Variants in NOTCH1 observed in about 807,000 individuals in gnomAD.
NOTCH1 encodes the protein notch receptor 1.
A neutral mutation model predicts 254.8 loss-of-function variants in NOTCH1; 37 were observed. The observed-to-expected ratio is 0.15, with a 90% confidence interval of 0.11 to 0.19. The LOEUF (loss-of-function observed/expected upper bound fraction) is 0.19, where lower values mean the gene tolerates loss of function less well. Among genes scored for constraint, NOTCH1 ranks in the 10% least tolerant of loss-of-function variants. The probability of loss-of-function intolerance (pLI) is 1.00; values close to 1 mark genes in which losing one functional copy is unlikely to be tolerated. For missense variants in NOTCH1, 2,972 were observed against 3,708.6 expected (o/e 0.80, Z 5.16); for synonymous variants, 1,731 against 1,618.1 (o/e 1.07, Z -1.68).
Position 136,513,604 on chromosome 9 carries a change from C to G in NOTCH1, c.2208-67G>C. 1 of 1,583,736 alleles carries G rather than the reference C, an allele frequency of 6.3e-7. No individual in the cohort carries two copies. ...AGCACGGCCGGGGCCTGGGCACTCC[C>G]GGGTCTGCAATGCCCTATGGGCTGG... is the stretch of plus-strand genomic sequence containing the variant. On this transcript the variant is annotated intron_variant, in intron 13 of 33. Transcript: ENST00000651671. This position sits in a 1 kb window ranked among gnomAD's most constrained non-coding sequence, Gnocchi z 4.7.
rs1064796983 is a variant in NOTCH1 at position 136,502,021 on chromosome 9, G to C, written c.5452C>G (p.Leu1818Val). Residue 1818 changes from leucine to valine, a missense_variant, in exon 29 of 34, where the codon CTG (leucine) becomes GTG (valine). Physicochemically the swap from Leu to Val is conservative, Grantham distance 32. Coordinates refer to ENST00000651671, the MANE Select transcript of NOTCH1 (RefSeq NM_017617.5). ...DNQNEWGDEDLETKKFRFEEP... is the reference protein window; with the variant it reads ...DNQNEWGDEDVETKKFRFEEP... ...CTCACCCGGAACTTCTTGGTCTCCAGGTCCTCGTCCCCCCACTCATTCTGG... is the reference window on the plus strand; with the variant it reads ...CTCACCCGGAACTTCTTGGTCTCCACGTCCTCGTCCCCCCACTCATTCTGG... The C allele has an allele frequency of 2.5e-6, 4 of 1,613,116 alleles. No homozygotes were observed. Among genetic ancestry groups the C allele is most frequent in the Non-Finnish European group, 3.4e-6 (4 of 1,179,966 alleles).
At position 136,502,437 on chromosome 9, in the gene NOTCH1, G is replaced by T; in HGVS notation, c.5219C>A (p.Ala1740Glu). The T allele has an allele frequency of 6.2e-7, 1 of 1,607,490 alleles. No homozygotes were observed. Among genetic ancestry groups the T allele is most frequent in the African/African-American group, 1.3e-5 (1 of 74,958 alleles). The change falls in exon 28 of 34, where the codon GCG becomes GAG. Residue 1740 changes from alanine (A) to glutamate (E), a missense_variant. Around this residue, in one of 8 missense-constraint regions of NOTCH1, gnomAD observed 421 missense variants for 604.4 expected, o/e 0.70. Transcript: ENST00000651671. ...GAACAGAAGCACAAAGGCGGCCGCC[G>T]CCACGTACATGAAGTGCAGCTGCGC... ...PPAQLHFMYV[A>E]AAAFVLLFFV... is the part of the protein sequence containing the mutation.
Position 136,497,524 on chromosome 9 carries a change from C to T in NOTCH1, c.6215G>A (p.Gly2072Asp). The T allele has an allele frequency of 6.2e-7, 1 of 1,608,726 alleles. No individual in the cohort carries two copies. The highest frequency in any genetic ancestry group is 8.5e-7 in the Non-Finnish European group (1 of 1,178,046). Residue 2072 changes from glycine (G) to aspartate (D), a missense_variant, in exon 34 of 34, where the codon GGC becomes GAC. Physicochemically the swap from Gly to Asp is moderately conservative, Grantham distance 94 (BLOSUM62 -1). This residue lies in a region of NOTCH1 where 421 missense variants were observed against 604.4 expected (regional missense o/e 0.70). Coordinates refer to ENST00000651671, the MANE Select transcript of NOTCH1 (RefSeq NM_017617.5). ...ETPLFLAARE[G>D]SYETAKVLLD... is the part of the protein sequence containing the mutation. Reference sequence around the variant, plus strand: ...CAGCACCTTGGCGGTCTCGTAGCTGCCCTCCCGGGCGGCCAGAAACAGGGG... The same window carrying T: ...CAGCACCTTGGCGGTCTCGTAGCTGTCCTCCCGGGCGGCCAGAAACAGGGG...
At chr9:136,503,074 G>T in intron 27 of NOTCH1, 108 bp downstream of exon 27, 2 of 1,506,996 alleles carry the variant, frequency 1.3e-6, no homozygotes, top group Non-Finnish European at 1.8e-6. Flanking sequence ...GGACGGCAAC[G>T]CTCACACCCG....
intron 17 of NOTCH1, 138 bp downstream of exon 17, chr9:136,510,515 C>G (rs1843162081): frequency 2.5e-6 from 3 of 1,193,768 alleles, no homozygotes; most frequent in Admixed American, 2.0e-5. Context: ...GCACATCCCC[C>G]ACACCTGACC....
intron 2 of NOTCH1, among the ~76,000 whole-genome samples, chr9:136,525,088 TCA>T (rs776662478): frequency 6.6e-4 from 100 of 152,208 alleles, no homozygotes; most frequent in Middle Eastern, 3.4e-3. Context: ...TCTTCATAAC[TCA>T]CATCCAGGCA....
chr9:136,505,309 C>T lies in NOTCH1; in HGVS notation c.4586+1G>A, dbSNP rs780888567. ...CAGCCCCATGAGCCCCGCAGCCTTACTTGCACTGGCCTTCCGCACGCTGGC... is the reference window on the plus strand; with the variant it reads ...CAGCCCCATGAGCCCCGCAGCCTTATTTGCACTGGCCTTCCGCACGCTGGC... On this transcript the variant is annotated splice_donor_variant, in intron 25 of 33. Transcript: ENST00000651671. LOFTEE classifies it high-confidence loss of function. The T allele has an allele frequency of 6.4e-7, 1 of 1,569,344 alleles. No individual in the cohort carries two copies. The highest frequency in any genetic ancestry group is 1.2e-5 in the South Asian group (1 of 86,468).
Position 136,513,599 on chromosome 9 carries a change from A to G in NOTCH1, c.2208-62T>C, listed in dbSNP as rs1287994194. 1.7e-5 allele frequency: 27 copies of G among 1,594,728 alleles called. No homozygotes were observed. Among genetic ancestry groups the G allele is most frequent in the Non-Finnish European group, 2.1e-5 (24 of 1,168,682 alleles). On this transcript the variant is annotated intron_variant, in intron 13 of 33. Transcript: ENST00000651671. This position sits in a 1 kb window ranked among gnomAD's most constrained non-coding sequence, Gnocchi z 4.7. The stretch of plus-strand genomic sequence containing the variant: ...CGAGCAGCACGGCCGGGGCCTGGGC[A>G]CTCCCGGGTCTGCAATGCCCTATGG...
chr9:136,531,584 G>A (rs1403399042), intron 2 of NOTCH1, among the ~76,000 whole-genome samples: 3 of 152,028 alleles, frequency 2.0e-5, no homozygotes, highest in Non-Finnish European at 4.4e-5. Context: ...CAGAGCCCTG[G>A]GCGAGAGAGA....
At chr9:136,510,868 G>C in intron 16 of NOTCH1, 63 bp from the exon 17 acceptor site, 1 of 1,595,306 alleles carries the variant, frequency 6.3e-7, no homozygotes, top group South Asian at 1.1e-5. Flanking sequence ...CCCTTCCCAG[G>C]CTGGCCCACC....
At chr9:136,524,029 C>A (rs1344300314) in intron 2 of NOTCH1, 50 bp from the exon 3 acceptor site, 1 of 1,533,568 alleles carries the variant, frequency 6.5e-7, no homozygotes, top group East Asian at 2.4e-5. Context: ...TTCCCCAGCG[C>A]CCCCGCCACT....
chr9:136,522,830 CGGCCAGCG>C lies in NOTCH1; in HGVS notation c.742+12_742+19del, dbSNP rs896911472. On this transcript the variant is annotated intron_variant, in intron 4 of 33. Transcript: ENST00000651671. ...CAGCCGGGGAGGGGCTCGTGCACCC[CGGCCAGCG>C]GGCAGCACTACCTGGCAGGCAGGCA... 4 of 1,464,342 alleles carry C rather than the reference CGGCCAGCG, an allele frequency of 2.7e-6. No individual in the cohort carries two copies. The Admixed American group carries it at 9.4e-5, about 34-fold the overall frequency. 90.7% of individuals were successfully genotyped at this position (1,464,342 alleles called of 1,614,324 possible).
chr9:136,504,768 A>G lies in NOTCH1; in HGVS notation c.4923T>C (p.Pro1641=), dbSNP rs1457300431. Reference sequence around the variant, plus strand: ...CCTTCACCTGGCCCAGCAGGGCGTCAGGTGCGGCCCAGCCCTCGGCGGCAC... The same window carrying G: ...CCTTCACCTGGCCCAGCAGGGCGTCGGGTGCGGCCCAGCCCTCGGCGGCAC... ...IKRAAEGWAA[P]DALLGQVKAS... Residue 1641 remains proline, a synonymous_variant, in exon 26 of 34, where the codon CCT becomes CCC. Transcript: ENST00000651671. 6.4e-7 allele frequency: 1 copy of G among 1,550,944 alleles called. No homozygotes were observed. Among genetic ancestry groups the G allele is most frequent in the African/African-American group, 1.4e-5 (1 of 73,428 alleles).
rs202231073 is a variant in NOTCH1, at chr9:136,505,489, G to A, written c.4407C>T (p.Asn1469=). 2.2e-4 allele frequency: 349 copies of A among 1,612,864 alleles called. 2 individuals carry two copies. In the Middle Eastern group the frequency reaches 3.0e-3, roughly 14 times the overall value. ...CACCGCCGTCCCAGCCGCACGCGTG[G>A]TTGTTGCACTGCAGGCTGCAGACCT... ...GNKVCSLQCN[N]HACGWDGGDC... The change falls in exon 25 of 34, where the codon AAC becomes AAT. Residue 1469 remains asparagine, a synonymous_variant. Coordinates refer to ENST00000651671, the MANE Select transcript of NOTCH1 (RefSeq NM_017617.5).
At position 136,540,924 on chromosome 9, in the gene NOTCH1, G is replaced by A. The variant is rs899889932; in HGVS notation, c.140+3100C>T. Among the ~76,000 whole-genome samples, 7 of 152,138 alleles carry A rather than the reference G, an allele frequency of 4.6e-5. No homozygotes were observed. Among genetic ancestry groups the A allele is most frequent in the African/African-American group, 7.2e-5 (3 of 41,426 alleles). ...TGGGAGAGCGTTTCAGACCAAGGACGTAGTCTCACCCAGACAGATAGGGTC... is the reference window on the plus strand; with the variant it reads ...TGGGAGAGCGTTTCAGACCAAGGACATAGTCTCACCCAGACAGATAGGGTC... On this transcript the variant is annotated intron_variant, in intron 2 of 33. Coordinates refer to ENST00000651671, the MANE Select transcript of NOTCH1 (RefSeq NM_017617.5). This position sits in a 1 kb window ranked among gnomAD's most constrained non-coding sequence, Gnocchi z 4.4.
Position 136,502,002 on chromosome 9 carries a change from C to T in NOTCH1, c.5471G>A (p.Arg1824Gln), listed in dbSNP as rs765309913. The change falls in exon 29 of 34, where the codon CGG (arginine) becomes CAG (glutamine). Residue 1824 changes from arginine (R) to glutamine (Q), a missense_variant and splice_region_variant. This residue lies in a region of NOTCH1 where 421 missense variants were observed against 604.4 expected (regional missense o/e 0.70). Transcript: ENST00000651671. ...GAGCCCGGGAGCCTCGCGACTCACC[C>T]GGAACTTCTTGGTCTCCAGGTCCTC... Reference protein sequence around the residue: ...GDEDLETKKFRFEEPVVLPDL... With the variant: ...GDEDLETKKFQFEEPVVLPDL... 9.3e-6 allele frequency: 15 copies of T among 1,613,028 alleles called. No individual in the cohort carries two copies. The Admixed American group carries it at 1.0e-4, about 11-fold the overall frequency.
At chr9:136,527,542 G>A (rs1427092966) in intron 2 of NOTCH1, among the ~76,000 whole-genome samples, 2 of 152,234 alleles carry the variant, frequency 1.3e-5, no homozygotes, top group Non-Finnish European at 2.9e-5. Flanking sequence ...ATCAGGGGCG[G>A]TGGGGAGACC....
At position 136,545,629 on chromosome 9, in the gene NOTCH1, C is replaced by G; in HGVS notation, c.61+97G>C. 1 of 1,055,062 alleles carries G rather than the reference C, an allele frequency of 9.5e-7. No homozygotes were observed. 65.4% of individuals were successfully genotyped at this position (1,055,062 alleles called of 1,614,324 possible). On this transcript the variant is annotated intron_variant, in intron 1 of 33. Coordinates refer to ENST00000651671, the MANE Select transcript of NOTCH1 (RefSeq NM_017617.5). This position sits in a 1 kb window ranked among gnomAD's most constrained non-coding sequence, Gnocchi z 6.8. ...TTTTCCCTCTCCATGCTGGCCTCCC[C>G]GCCGCCCGCTCCCAGCCGTGGGGCG...
chr9:136,545,493 ACT>A lies in NOTCH1; in HGVS notation c.61+231_61+232del, dbSNP rs1381688863. Among the ~76,000 whole-genome samples the A allele has an allele frequency of 6.6e-6, 1 of 151,458 alleles. No individual in the cohort carries two copies. Among genetic ancestry groups the A allele is most frequent in the Non-Finnish European group, 1.5e-5 (1 of 67,798 alleles). On this transcript the variant is annotated intron_variant, in intron 1 of 33. Coordinates refer to ENST00000651671, the MANE Select transcript of NOTCH1 (RefSeq NM_017617.5). This position sits in a 1 kb window ranked among gnomAD's most constrained non-coding sequence, Gnocchi z 6.8. ...CCCAGCACCCCACACCGGCCTCCTA[ACT>A]CGGCTCCAGGCACGGGCGGCGCGAG...
Sources: gnomAD v4.1 joint callset for allele counts (sites outside exome capture counted in the v4.1 genomes callset) on GRCh38, gnomAD v4.1.1 for gene constraint, gnomAD v4.1.1 regional missense constraint, Gnocchi (gnomAD v3.1) non-coding constraint, MANE v1.5 for transcripts, NCBI Gene and HGNC (gene_info 2026-07-23, HGNC 2026-07-21) for gene names.